The following PIK3C2G variants were observed in gnomAD, a reference collection of about 807,000 sequenced individuals.
The protein encoded by PIK3C2G is phosphatidylinositol 3-kinase C2 domain-containing subunit gamma.
In PIK3C2G, 168 loss-of-function variants were observed where a neutral mutation model predicts 181.1. The ratio of observed to expected loss-of-function variants is 0.93; its 90% CI spans 0.82 to 1.05. The LOEUF (loss-of-function observed/expected upper bound fraction) is 1.05. PIK3C2G is among the 50% of genes least tolerant of loss of function. PIK3C2G has a pLI of 0.00. For synonymous variants in PIK3C2G, 573 were observed against 592.2 expected, an observed-to-expected ratio of 0.97 and a Z score of 0.47; for missense variants, 1,869 against 1,732.8, an observed-to-expected ratio of 1.08 and a Z score of -1.40.
chr12:18,541,704 T>C (rs1367172011), intron 25 of PIK3C2G, among the ~76,000 whole-genome samples: 1 of 151,928 alleles, frequency 6.6e-6, no homozygotes, highest in Non-Finnish European at 1.5e-5. Context: ...ATCTGTTCAC[T>C]TCCTGTTCTA....
At chr12:18,680,122 C>T in the PIK3C2G span, among the ~76,000 whole-genome samples, 1 of 151,922 alleles carries the variant, frequency 6.6e-6, no homozygotes, top group Non-Finnish European at 1.5e-5. Flanking sequence ...TTTTGCAGTA[C>T]TGAGAAGAAA....
At chr12:18,347,467 A>C (rs562925245) in intron 11 of PIK3C2G, among the ~76,000 whole-genome samples, 46 of 152,190 alleles carry the variant, frequency 3.0e-4, no homozygotes, top group Non-Finnish European at 5.7e-4. Context: ...TATTATACTT[A>C]CTGCATTTAG....
chr12:18,362,324 T>C (rs1455678466), intron 11 of PIK3C2G, among the ~76,000 whole-genome samples: 3 of 152,122 alleles, frequency 2.0e-5, no homozygotes, highest in African/African-American at 7.2e-5. Context: ...TAAGTCTAAG[T>C]GTTAGATGTA....
chr12:18,419,632 C>T (rs571772691), intron 16 of PIK3C2G, among the ~76,000 whole-genome samples: 20 of 152,250 alleles, frequency 1.3e-4, no homozygotes, highest in African/African-American at 4.3e-4. Context: ...GTGTCTGGAC[C>T]GCAGTTCTCA....
At chr12:18,651,794 G>A (rs566985903), downstream of PIK3C2G, among the ~76,000 whole-genome samples, 7 of 152,254 alleles carry the variant, frequency 4.6e-5, no homozygotes, top group African/African-American at 7.2e-5. Context: ...TATGAATGTC[G>A]CTGGAATGTG....
At chr12:18,586,741 A>G (rs1403340077) in intron 29 of PIK3C2G, among the ~76,000 whole-genome samples, 1 of 152,112 alleles carries the variant, frequency 6.6e-6, no homozygotes, top group Non-Finnish European at 1.5e-5. Context: ...CCTGATACCA[A>G]AGCCTGGCAG....
the PIK3C2G span, among the ~76,000 whole-genome samples, chr12:18,665,694 T>C: frequency 2.0e-5 from 3 of 152,072 alleles, no homozygotes; most frequent in Non-Finnish European, 4.4e-5. Context: ...CCCAGAACTT[T>C]GGGAGGCTGA....
chr12:18,380,269 TGTC>T (rs1942748303), intron 13 of PIK3C2G, among the ~76,000 whole-genome samples: 1 of 152,162 alleles, frequency 6.6e-6, no homozygotes. Context: ...TGGGCTTTTC[TGTC>T]GTCATGTTCT....
chr12:18,370,347 C>T (rs1320354138), intron 12 of PIK3C2G, among the ~76,000 whole-genome samples: 1 of 152,134 alleles, frequency 6.6e-6, no homozygotes, highest in Non-Finnish European at 1.5e-5. Flanking sequence ...CTGTGTCTAT[C>T]CTTAGCCAAT....
At chr12:18,494,386 A>ATG (rs143429375) in intron 20 of PIK3C2G, among the ~76,000 whole-genome samples, 6 of 151,514 alleles carry the variant, frequency 4.0e-5, no homozygotes, top group Admixed American at 2.0e-4. Context: ...TCAACTTAAT[A>ATG]TGTGTGTGTG....
At chr12:18,279,868 C>A (rs1316466832) in intron 1 of PIK3C2G, among the ~76,000 whole-genome samples, 1 of 151,858 alleles carries the variant, frequency 6.6e-6, no homozygotes, top group African/African-American at 2.4e-5. Context: ...GAAAATCTTT[C>A]CCAAATTTAT....
At chr12:18,471,737 T>G (rs1938481992) in intron 18 of PIK3C2G, among the ~76,000 whole-genome samples, 1 of 152,168 alleles carries the variant, frequency 6.6e-6, no homozygotes, top group Non-Finnish European at 1.5e-5. Context: ...ATACTATTAT[T>G]TGATCCTTAT....
intron 18 of PIK3C2G, among the ~76,000 whole-genome samples, chr12:18,453,221 A>G (rs1430223566): frequency 6.6e-6 from 1 of 151,064 alleles, no homozygotes; most frequent in African/African-American, 2.4e-5. Context: ...AACTTGTTTT[A>G]TTATTCTGGG....
At chr12:18,319,378 C>A (rs950167619) in intron 6 of PIK3C2G, among the ~76,000 whole-genome samples, 4 of 151,724 alleles carry the variant, frequency 2.6e-5, no homozygotes, top group Non-Finnish European at 5.9e-5. Context: ...AAGGTATGGC[C>A]TCAGCTTTAA....
chr12:18,519,604 A>G (rs546078899), intron 24 of PIK3C2G, among the ~76,000 whole-genome samples: 103 of 152,000 alleles, frequency 6.8e-4, no homozygotes, highest in African/African-American at 2.4e-3. Flanking sequence ...TTGAGCCCAT[A>G]TGTGTCTTTG....
rs775857490 is a variant in PIK3C2G at position 18,609,604 on chromosome 12, T to C, written c.4157T>C (p.Ile1386Thr). ...VISYEDVKLT[I>T]LVKHMKNIHL... The stretch of plus-strand genomic sequence containing the variant: ...TCCTACGAGGATGTGAAGCTGACCA[T>C]ACTAGTGAAACACATGAAAAACATT... The change falls in exon 31 of 33, where the codon ATA becomes ACA. Residue 1386 changes from isoleucine to threonine, a missense_variant. By Grantham distance (89) the Ile-to-Thr change is moderately conservative. Coordinates refer to ENST00000538779, the MANE Select transcript of PIK3C2G (RefSeq NM_001288772.2). 5.1e-6 allele frequency: 8 copies of C among 1,579,144 alleles called. No homozygotes were observed. The highest frequency in any genetic ancestry group is 6.9e-6 in the Non-Finnish European group (8 of 1,159,286).
At chr12:18,607,685 C>A (rs1386827734) in intron 30 of PIK3C2G, among the ~76,000 whole-genome samples, 2 of 152,056 alleles carry the variant, frequency 1.3e-5, no homozygotes, top group East Asian at 3.9e-4. Context: ...CAACAAAAGC[C>A]AAAATTGGCA....
intron 24 of PIK3C2G, among the ~76,000 whole-genome samples, chr12:18,531,751 A>G (rs1478934572): frequency 2.6e-5 from 4 of 152,170 alleles, no homozygotes; most frequent in Admixed American, 6.5e-5. Context: ...CTTAATATGT[A>G]TGTACCATGT....
intron 18 of PIK3C2G, among the ~76,000 whole-genome samples, chr12:18,469,481 G>A (rs147691545): frequency 1.3e-5 from 2 of 152,048 alleles, no homozygotes; most frequent in African/African-American, 4.8e-5. Context: ...AAGACATGCT[G>A]AATATGCTCA....
Sources: allele counts gnomAD v4.1 joint callset (sites outside exome capture counted in the v4.1 genomes callset), GRCh38; gene constraint gnomAD v4.1.1; transcripts MANE v1.5; gene names NCBI Gene and HGNC (gene_info 2026-07-23, HGNC 2026-07-21).